Variants in ENTPD1 observed in about 807,000 individuals in gnomAD.
ENTPD1 encodes ATP diphosphohydrolase.
A neutral mutation model predicts 57.0 loss-of-function variants in ENTPD1; 33 were observed. That is an observed-to-expected ratio of 0.58 (90% CI 0.44 to 0.77). The LOEUF is 0.77. Ranked by LOEUF, ENTPD1 falls within the 30% of genes least tolerant of loss-of-function variation. The pLI is 0.00. For synonymous variants in ENTPD1, 202 were observed against 218.8 expected (o/e 0.92, Z 0.68); for missense variants, 501 against 603.4 (o/e 0.83, Z 1.78).
intron 1 of ENTPD1, among the ~76,000 whole-genome samples, chr10:95,761,020 C>G (rs1033313770): frequency 6.6e-6 from 1 of 151,694 alleles, no homozygotes; most frequent in African/African-American, 2.4e-5. Context: ...TTAGTAGAGA[C>G]GGGGTTTCAC....
At chr10:95,864,581 C>G in intron 8 of ENTPD1, 143 bp from the exon 9 acceptor site, 3 of 1,103,622 alleles carry the variant, frequency 2.7e-6, no homozygotes, top group Non-Finnish European at 4.0e-6. Flanking sequence ...AGCACCACCC[C>G]CAAAACCCTC....
rs75551639 is a variant in ENTPD1 at position 95,787,995 on chromosome 10, C to G, written c.16+31740C>G. On this transcript the variant is annotated intron_variant, in intron 1 of 9. Transcript: ENST00000371205. ...ATATATTTATTGGATATCTACTTTTCGAAAAGTAGAACATGTGAAGAATTC... is the reference window on the plus strand; with the variant it reads ...ATATATTTATTGGATATCTACTTTTGGAAAAGTAGAACATGTGAAGAATTC... Among the ~76,000 whole-genome samples the G allele has an allele frequency of 1.1e-3, 164 of 152,022 alleles. 2 individuals carry two copies. The East Asian group carries it at 0.029, about 26-fold the overall frequency.
intron 1 of ENTPD1, among the ~76,000 whole-genome samples, chr10:95,760,811 A>ATCCTTT (rs2098055399): frequency 2.7e-4 from 13 of 48,404 alleles, no homozygotes; most frequent in African/African-American, 6.4e-4. Flanking sequence ...CATAGAGTTT[A>ATCCTTT]TTCTTTTTTT....
At chr10:95,826,504 C>T (rs183003627) in intron 2 of ENTPD1, among the ~76,000 whole-genome samples, 4 of 144,410 alleles carry the variant, frequency 2.8e-5, no homozygotes, top group African/African-American at 1.0e-4. Flanking sequence ...GCCCCAGAGG[C>T]GGAGGTTGCA....
chr10:95,728,234 T>C (rs1278008487), intron 1 of ENTPD1, among the ~76,000 whole-genome samples: 2 of 152,244 alleles, frequency 1.3e-5, no homozygotes, highest in African/African-American at 4.8e-5. Flanking sequence ...GAAGCCTTAC[T>C]GATAACATAA....
chr10:95,864,103 C>T (rs995768026), intron 8 of ENTPD1, among the ~76,000 whole-genome samples: 1 of 151,924 alleles, frequency 6.6e-6, no homozygotes, highest in Non-Finnish European at 1.5e-5. Flanking sequence ...GACTCAGATG[C>T]AAAAAAAGAC....
rs1214081152 is a variant in ENTPD1, at chr10:95,876,055, A to C, written c.*9672A>C. ...TTTGCAAAATGAGTAAACATATCATAAGGAAATTATTTTTACAAGGTTTGA... is the reference window on the plus strand; with the variant it reads ...TTTGCAAAATGAGTAAACATATCATCAGGAAATTATTTTTACAAGGTTTGA... On this transcript the variant is annotated 3_prime_UTR_variant, in exon 10 of 10. Coordinates refer to ENST00000371205, the MANE Select transcript of ENTPD1 (RefSeq NM_001776.6). 2.0e-6 allele frequency: 2 copies of C among 985,198 alleles called. No individual in the cohort carries two copies. The highest frequency in any genetic ancestry group is 3.5e-5 in the African/African-American group (2 of 57,242). The allele number at this position is 985,198 out of a possible 1,614,324, so 61.0% of individuals were successfully genotyped here. A position where few individuals can be genotyped will look rare whatever the true frequency, so the allele number is the denominator to read the frequency against.
chr10:95,797,616 T>C (rs1404519824), intron 1 of ENTPD1, among the ~76,000 whole-genome samples: 3 of 152,132 alleles, frequency 2.0e-5, no homozygotes, highest in African/African-American at 7.2e-5. Context: ...AAGCTTACAA[T>C]TGTGGCAGAA....
the ENTPD1 span, among the ~76,000 whole-genome samples, chr10:95,698,870 C>G: frequency 6.6e-6 from 1 of 152,150 alleles, no homozygotes; most frequent in African/African-American, 2.4e-5. Flanking sequence ...CTTCAAAAAC[C>G]CTGCAGGTGG....
rs57407553 is a variant in ENTPD1, at chr10:95,758,002, C to CAAAAAAAAAAAAAAAAAA, written c.16+1758_16+1775dup. On this transcript the variant is annotated intron_variant, in intron 1 of 9. Coordinates refer to ENST00000371205, the MANE Select transcript of ENTPD1 (RefSeq NM_001776.6). The stretch of plus-strand genomic sequence containing the variant: ...CCTGGGCGAGAGTGAGACACTGTCT[C>CAAAAAAAAAAAAAAAAAA]AAAAAAAAAAAAAAAAAAAAAAAAA... 3.9e-3 allele frequency among the ~76,000 whole-genome samples: 103 copies of CAAAAAAAAAAAAAAAAAA among 26,400 alleles called. 5 individuals carry two copies. The highest frequency in any genetic ancestry group is 0.016 in the South Asian group (6 of 380). The allele number at this position is 26,400 out of a possible 152,430, so 17.3% of individuals were successfully genotyped here.
At chr10:95,784,225 T>C (rs2098169351) in intron 1 of ENTPD1, among the ~76,000 whole-genome samples, 1 of 152,050 alleles carries the variant, frequency 6.6e-6, no homozygotes, top group African/African-American at 2.4e-5. Flanking sequence ...ATCCAGCTTC[T>C]TGTATCCTGG....
intron 1 of ENTPD1, among the ~76,000 whole-genome samples, chr10:95,780,144 C>T (rs1356252463): frequency 1.3e-5 from 2 of 152,150 alleles, no homozygotes; most frequent in Non-Finnish European, 1.5e-5. Context: ...TCATCTTTAA[C>T]AGAACATACC....
intron 7 of ENTPD1, among the ~76,000 whole-genome samples, chr10:95,849,829 T>C (rs1397472808): frequency 3.3e-5 from 5 of 152,264 alleles, no homozygotes. Flanking sequence ...GGACTTTTTT[T>C]TGGGCCAGGG....
chr10:95,858,051 G>A (rs1487918046), intron 7 of ENTPD1, among the ~76,000 whole-genome samples: 2 of 151,942 alleles, frequency 1.3e-5, no homozygotes, highest in African/African-American at 4.8e-5. Flanking sequence ...CCAGCTACTC[G>A]GGAGGCTGAG....
chr10:95,721,627 C>G (rs2097977477), intron 1 of ENTPD1, among the ~76,000 whole-genome samples: 1 of 151,962 alleles, frequency 6.6e-6, no homozygotes, highest in Non-Finnish European at 1.5e-5. Flanking sequence ...TCTGACTGGG[C>G]CGAATTCTCC....
intron 1 of ENTPD1, among the ~76,000 whole-genome samples, chr10:95,721,176 T>G (rs976693409): frequency 6.6e-6 from 1 of 152,194 alleles, no homozygotes; most frequent in Admixed American, 6.5e-5. Flanking sequence ...CAGTAGGATT[T>G]TCTTCCTTTC....
chr10:95,763,719 T>A (rs1207386778), intron 1 of ENTPD1, among the ~76,000 whole-genome samples: 3 of 1,326 alleles, frequency 2.3e-3, no homozygotes, highest in African/African-American at 0.083. Flanking sequence ...AACCACTGAG[T>A]TTTTTTATGG....
At chr10:95,743,617 A>C (rs985334854) in intron 1 of ENTPD1, among the ~76,000 whole-genome samples, 19 of 152,088 alleles carry the variant, frequency 1.2e-4, no homozygotes, top group African/African-American at 4.6e-4. Context: ...CTAATAGTCT[A>C]TTTCAGTATA....
At chr10:95,813,755 A>G (rs1431110023) in intron 1 of ENTPD1, among the ~76,000 whole-genome samples, 1 of 152,164 alleles carries the variant, frequency 6.6e-6, no homozygotes, top group Non-Finnish European at 1.5e-5. Context: ...TTCTATAGTA[A>G]TATTTGTATG....
Sources: allele counts gnomAD v4.1 joint callset (sites outside exome capture counted in the v4.1 genomes callset), GRCh38; gene constraint gnomAD v4.1.1; transcripts MANE v1.5; gene names NCBI Gene and HGNC (gene_info 2026-07-23, HGNC 2026-07-21).